The following GARNL3 variants were observed in gnomAD, a reference collection of about 807,000 sequenced individuals.
GARNL3 encodes GTPase activating Rap/RanGAP domain like 3.
Under a neutral mutation model 125.0 loss-of-function variants are expected in GARNL3, and 63 were observed. That is an observed-to-expected ratio of 0.50 (90% CI 0.41 to 0.62). The LOEUF (loss-of-function observed/expected upper bound fraction) is 0.62. Ranked by LOEUF, GARNL3 falls within the 20% of genes least tolerant of loss-of-function variation. The pLI, the probability that GARNL3 is intolerant of heterozygous loss-of-function variation, is 0.00. For missense variants in GARNL3, 994 were observed against 1,244.0 expected, an observed-to-expected ratio of 0.80 and a Z score of 3.02; for synonymous variants, 439 against 457.5, an observed-to-expected ratio of 0.96 and a Z score of 0.52.
intron 1 of GARNL3, among the ~76,000 whole-genome samples, chr9:127,269,898 T>C (rs2131286862): frequency 1.3e-5 from 2 of 152,206 alleles, no homozygotes; most frequent in South Asian, 4.1e-4. Context: ...TTATTTACTC[T>C]GTTGACAGTG....
At chr9:127,240,411 T>C (rs1397433356) in intron 1 of GARNL3, among the ~76,000 whole-genome samples, 1 of 152,126 alleles carries the variant, frequency 6.6e-6, no homozygotes, top group Non-Finnish European at 1.5e-5. Flanking sequence ...AAGGATTCAC[T>C]TGGGCCTTTA....
chr9:127,336,547 G>A (rs999451852), intron 11 of GARNL3, among the ~76,000 whole-genome samples: 1 of 152,104 alleles, frequency 6.6e-6, no homozygotes, highest in African/African-American at 2.4e-5. Context: ...AGAATTATAG[G>A]TGCTGAATTC....
At chr9:127,391,533 A>AAAAAAAAAAAAAAAAAAAAAAATATATAT in intron 27 of GARNL3, among the ~76,000 whole-genome samples, 44 of 75,798 alleles carry the variant, frequency 5.8e-4, no homozygotes, top group East Asian at 1.2e-3. Context: ...ACAAAAAAAA[A>AAAAAAAAAAAAAAAAAAAAAAATATATAT]ATATATATAT....
chr9:127,311,780 T>C, intron 3 of GARNL3, 45 bp downstream of exon 3: 1 of 1,316,920 alleles, frequency 7.6e-7, no homozygotes. Context: ...GTATTCAAAA[T>C]GGAAGTTAGT....
chr9:127,366,984 T>A (rs767295035), intron 22 of GARNL3: 2 of 152,208 alleles, frequency 1.3e-5, no homozygotes, highest in Non-Finnish European at 2.9e-5. Context: ...TATCTTTACA[T>A]CTCTGTATCT....
upstream of GARNL3, among the ~76,000 whole-genome samples, chr9:127,258,903 G>C (rs879391084): frequency 1.3e-5 from 2 of 152,200 alleles, no homozygotes; most frequent in Non-Finnish European, 2.9e-5. Context: ...CCTTTTCCTA[G>C]AGCTCCTGAC....
chr9:127,289,097 C>G (rs1332668232), intron 1 of GARNL3, among the ~76,000 whole-genome samples: 1 of 152,168 alleles, frequency 6.6e-6, no homozygotes, highest in Non-Finnish European at 1.5e-5. Flanking sequence ...GAGTAGAAAC[C>G]CACAAAGAAG....
At chr9:127,253,560 T>C (rs2131216997) in intron 2 of GARNL3, among the ~76,000 whole-genome samples, 1 of 152,108 alleles carries the variant, frequency 6.6e-6, no homozygotes, top group East Asian at 1.9e-4. Flanking sequence ...TAATTCCTAG[T>C]TTGGGAGGGA....
chr9:127,236,609 T>G (rs1415015476), intron 1 of GARNL3, among the ~76,000 whole-genome samples: 3 of 152,214 alleles, frequency 2.0e-5, no homozygotes, highest in East Asian at 1.9e-4. Context: ...CTAAACTTTT[T>G]GTAGACAAGG....
intron 1 of GARNL3, among the ~76,000 whole-genome samples, chr9:127,282,945 A>G (rs1273792902): frequency 6.6e-6 from 1 of 152,236 alleles, no homozygotes; most frequent in Admixed American, 6.5e-5. Flanking sequence ...ATAACATTTT[A>G]TGCTTTCTAT....
At chr9:127,288,453 C>T (rs183046273) in intron 1 of GARNL3, among the ~76,000 whole-genome samples, 407 of 152,224 alleles carry the variant, frequency 2.7e-3, no homozygotes, top group Non-Finnish European at 4.4e-3. Context: ...TGAGGAGCCG[C>T]TTGGAGAGGA....
rs532229889 is a variant in GARNL3 at position 127,326,682 on chromosome 9, C to T, written c.594+1587C>T. ...CTATGGTCTGAATGCTTGTGTCCCC[C>T]CAAAATTCATATGTTAAAGCCTGCC... On this transcript the variant is annotated intron_variant, in intron 7 of 27. Transcript: ENST00000373387. 5.3e-5 allele frequency among the ~76,000 whole-genome samples: 8 copies of T among 152,182 alleles called. 1 individual carries two copies. The East Asian group carries it at 7.7e-4, about 15-fold the overall frequency.
At chr9:127,329,995 T>C (rs955960359) in intron 7 of GARNL3, among the ~76,000 whole-genome samples, 2 of 152,204 alleles carry the variant, frequency 1.3e-5, no homozygotes, top group Non-Finnish European at 1.5e-5. Flanking sequence ...GTTTTTTCTT[T>C]AGTCTAGTGG....
intron 2 of GARNL3, among the ~76,000 whole-genome samples, chr9:127,243,937 G>A (rs1043179996): frequency 3.3e-5 from 5 of 152,204 alleles, no homozygotes; most frequent in African/African-American, 1.2e-4. Context: ...GCAGCCAGAT[G>A]CAACAACACG....
chr9:127,268,634 A>T (rs527323324), intron 1 of GARNL3, among the ~76,000 whole-genome samples: 1 of 152,308 alleles, frequency 6.6e-6, no homozygotes, highest in Non-Finnish European at 1.5e-5. Context: ...AAATACATTC[A>T]TATTGGTGTA....
intron 22 of GARNL3, among the ~76,000 whole-genome samples, chr9:127,378,243 CAAAA>C (rs386361566): frequency 2.3e-5 from 2 of 88,250 alleles, no homozygotes; most frequent in Admixed American, 1.3e-4. Flanking sequence ...GACTCTGTCT[CAAAA>C]AAAAAAAAAA....
intron 6 of GARNL3, among the ~76,000 whole-genome samples, chr9:127,321,097 T>C (rs1232895874): frequency 6.6e-6 from 1 of 152,206 alleles, no homozygotes; most frequent in Non-Finnish European, 1.5e-5. Context: ...AAGCTACCCT[T>C]TTTACTGAGT....
At chr9:127,272,701 T>C (rs1460095038) in intron 1 of GARNL3, among the ~76,000 whole-genome samples, 1 of 152,112 alleles carries the variant, frequency 6.6e-6, no homozygotes, top group African/African-American at 2.4e-5. Flanking sequence ...ATGGTCTTGA[T>C]CTCCTGACCT....
intron 2 of GARNL3, among the ~76,000 whole-genome samples, chr9:127,258,065 A>C (rs2063522846): frequency 6.6e-6 from 1 of 152,080 alleles, no homozygotes; most frequent in African/African-American, 2.4e-5. Flanking sequence ...CACGGTGGTC[A>C]TGTGTGATGG....
Sources: gnomAD v4.1 joint callset for allele counts (sites outside exome capture counted in the v4.1 genomes callset) on GRCh38, gnomAD v4.1.1 for gene constraint, MANE v1.5 for transcripts, NCBI Gene and HGNC (gene_info 2026-07-23, HGNC 2026-07-21) for gene names.